Variants in RRM1 observed in about 807,000 individuals in gnomAD.
The protein encoded by RRM1 is ribonucleotide reductase catalytic subunit M1, also known as ribonucleoside-diphosphate reductase large subunit.
In RRM1, 19 loss-of-function variants were observed where a neutral mutation model predicts 101.5. The observed-to-expected ratio is 0.19, with a 90% CI of 0.13 to 0.27. The LOEUF (loss-of-function observed/expected upper bound fraction) is 0.27. RRM1 is among the 10% of genes least tolerant of loss of function. The probability of loss-of-function intolerance (pLI) is 1.00; values close to 1 mark genes in which losing one functional copy is unlikely to be tolerated. For missense variants in RRM1, 500 were observed against 962.9 expected (o/e 0.52, Z 6.36); for synonymous variants, 298 against 323.4 (o/e 0.92, Z 0.84).
At chr11:4,105,943 C>T (rs1187688590) in intron 2 of RRM1, 103 bp from the exon 3 acceptor site, 1 of 870,846 alleles carries the variant, frequency 1.1e-6, no homozygotes, top group Non-Finnish European at 1.9e-6. Flanking sequence ...GGACTATAGG[C>T]ATGTACTACC....
chr11:4,121,864 G>A, intron 10 of RRM1, 99 bp downstream of exon 10: 1 of 1,138,500 alleles, frequency 8.8e-7, no homozygotes, highest in Non-Finnish European at 1.2e-6. Context: ...CCATATGTGT[G>A]TGATGCCACA....
intron 12 of RRM1, 50 bp downstream of exon 12, chr11:4,123,434 GTTA>G (rs1274295044): frequency 2.1e-6 from 3 of 1,436,270 alleles, no homozygotes; most frequent in African/African-American, 1.4e-5. Context: ...ACCTTAGGCA[GTTA>G]TTATTTGTGA....
chr11:4,125,017 C>T (rs563171685), intron 12 of RRM1, among the ~76,000 whole-genome samples: 28 of 151,406 alleles, frequency 1.8e-4, no homozygotes, highest in African/African-American at 3.6e-4. Context: ...TGGATTCAAG[C>T]GATTCTCCTG....
intron 15 of RRM1, among the ~76,000 whole-genome samples, chr11:4,130,086 A>ATATATATATATATATATATT (rs1202870487): frequency 4.0e-5 from 4 of 99,484 alleles, no homozygotes; most frequent in African/African-American, 1.6e-4. Context: ...ATATATATAT[A>ATATATATATATATATATATT]TTTTTTTTTT....
At position 4,121,588 on chromosome 11, in the gene RRM1, A is replaced by T; in HGVS notation, c.877-16A>T. 6.3e-7 allele frequency: 1 copy of T among 1,587,262 alleles called. No homozygotes were observed. The highest frequency in any genetic ancestry group is 8.6e-7 in the Non-Finnish European group (1 of 1,168,194). On this transcript the variant is annotated splice_polypyrimidine_tract_variant and intron_variant, in intron 9 of 18. Coordinates refer to ENST00000300738, the MANE Select transcript of RRM1 (RefSeq NM_001033.5). ...CATTTTTATTCTGAAGAGAATTATG[A>T]TTTATTTACCACTAGCGTCCTGGGG... is the stretch of plus-strand genomic sequence containing the variant.
intron 18 of RRM1, 140 bp from the exon 19 acceptor site, chr11:4,138,055 T>C (rs184076135): frequency 0.68 from 17,313 of 25,414 alleles, 6,956 homozygotes; most frequent in East Asian, 0.83. Flanking sequence ...CCGGACGGGG[T>C]GGCTGGCCGG....
intron 2 of RRM1, among the ~76,000 whole-genome samples, chr11:4,102,728 A>T (rs1200852395): frequency 6.6e-6 from 1 of 152,186 alleles, no homozygotes; most frequent in East Asian, 1.9e-4. Context: ...ACTGGTTTAA[A>T]ATTTGTTTTT....
chr11:4,127,966 A>C (rs2094592624), intron 14 of RRM1, among the ~76,000 whole-genome samples: 1 of 152,102 alleles, frequency 6.6e-6, no homozygotes, highest in Non-Finnish European at 1.5e-5. Flanking sequence ...CTCGTCTGAG[A>C]CACAGAGTTC....
intron 15 of RRM1, among the ~76,000 whole-genome samples, chr11:4,130,595 C>T (rs2094598447): frequency 6.6e-6 from 1 of 152,046 alleles, no homozygotes; most frequent in South Asian, 2.1e-4. Context: ...ACTTGGGAGG[C>T]TGAGACATGA....
rs997047607 is a variant in RRM1, at chr11:4,106,036, A to G, written c.109-10A>G. On this transcript the variant is annotated splice_polypyrimidine_tract_variant and intron_variant, in intron 2 of 18. Coordinates refer to ENST00000300738, the MANE Select transcript of RRM1 (RefSeq NM_001033.5). ...GAAAGCTCAAGTAATTCTTGGTTTTATTTTTGTAGGCTCAGATCACCATGA... is the reference window on the plus strand; with the variant it reads ...GAAAGCTCAAGTAATTCTTGGTTTTGTTTTTGTAGGCTCAGATCACCATGA... The G allele has an allele frequency of 6.2e-7, 1 of 1,603,742 alleles. No homozygotes were observed. Among genetic ancestry groups the G allele is most frequent in the Non-Finnish European group, 8.5e-7 (1 of 1,177,122 alleles).
chr11:4,126,652 G>A, intron 12 of RRM1, 32 bp from the exon 13 acceptor site: 2 of 1,581,586 alleles, frequency 1.3e-6, no homozygotes. Context: ...AATAAAAATT[G>A]TGTGATTCTT....
rs538699740 is a variant in RRM1 at position 4,104,786 on chromosome 11, T to C, written c.109-1260T>C. On this transcript the variant is annotated intron_variant, in intron 2 of 18. Coordinates refer to ENST00000300738, the MANE Select transcript of RRM1 (RefSeq NM_001033.5). Reference sequence around the variant, plus strand: ...AGGTTGCACTTTGTAATTTGTGAAGTGCTAAAGAAAGTTGTCATTAAATTA... The same window carrying C: ...AGGTTGCACTTTGTAATTTGTGAAGCGCTAAAGAAAGTTGTCATTAAATTA... Among the ~76,000 whole-genome samples, 4 of 152,248 alleles carry C rather than the reference T, an allele frequency of 2.6e-5. No homozygotes were observed. In the South Asian group the frequency reaches 8.3e-4, roughly 32 times the overall value.
intron 1 of RRM1, among the ~76,000 whole-genome samples, chr11:4,097,317 T>C (rs2133282092): frequency 6.8e-6 from 1 of 147,796 alleles, no homozygotes; most frequent in East Asian, 2.0e-4. Flanking sequence ...AAGTGCTAGC[T>C]ATAACTAGCT....
intron 2 of RRM1, 96 bp from the exon 3 acceptor site, chr11:4,105,950 T>C: frequency 1.0e-6 from 1 of 996,300 alleles, no homozygotes; most frequent in Non-Finnish European, 1.5e-6. Flanking sequence ...AGGCATGTAC[T>C]ACCACACCTG....
At chr11:4,095,138 C>G (rs542411633) in intron 1 of RRM1, 107 bp downstream of exon 1, 11 of 1,252,192 alleles carry the variant, frequency 8.8e-6, no homozygotes, top group South Asian at 2.6e-5. Flanking sequence ...TCCCGCCTTT[C>G]CCGCATTTCC....
At chr11:4,098,576 AAAG>A (rs2094546746) in intron 1 of RRM1, among the ~76,000 whole-genome samples, 2 of 152,224 alleles carry the variant, frequency 1.3e-5, no homozygotes, top group Non-Finnish European at 2.9e-5. Context: ...ATAGACAAAT[AAAG>A]AAGTAATATG....
At chr11:4,114,965 G>A (rs1256023538) in intron 7 of RRM1, among the ~76,000 whole-genome samples, 1 of 152,026 alleles carries the variant, frequency 6.6e-6, no homozygotes, top group Non-Finnish European at 1.5e-5. Context: ...CGTCTTCCTT[G>A]GCCTCCCGAA....
chr11:4,130,500 A>G (rs138924957), intron 15 of RRM1, among the ~76,000 whole-genome samples: 48 of 152,270 alleles, frequency 3.2e-4, no homozygotes, highest in African/African-American at 1.1e-3. Context: ...GTTCAAGACC[A>G]GCTTGGGCAA....
rs185768828 is a variant in RRM1, at chr11:4,132,169, C to T, written c.1770-117C>T. 4.8e-5 allele frequency: 48 copies of T among 1,009,692 alleles called. No individual in the cohort carries two copies. Among genetic ancestry groups the T allele is most frequent in the Middle Eastern group, 3.1e-4 (1 of 3,184 alleles). 62.5% of individuals were successfully genotyped at this position (1,009,692 alleles called of 1,614,324 possible). The stretch of plus-strand genomic sequence containing the variant: ...TCAACGTGTGAGTTCAATGCATGTA[C>T]GATGTTACATTTACATTTACTACAT... On this transcript the variant is annotated intron_variant, in intron 15 of 18. Transcript: ENST00000300738. The surrounding 1 kb of genome is among the most constrained non-coding windows in gnomAD (Gnocchi z 4.1).
Sources: gnomAD v4.1 joint callset for allele counts (sites outside exome capture counted in the v4.1 genomes callset) on GRCh38, gnomAD v4.1.1 for gene constraint, Gnocchi (gnomAD v3.1) non-coding constraint, MANE v1.5 for transcripts, NCBI Gene and HGNC (gene_info 2026-07-23, HGNC 2026-07-21) for gene names.